ACYP2: variants seen among roughly 807,000 people sequenced by gnomAD.
ACYP2 encodes the protein acylphosphatase-2.
Under a neutral mutation model 11.2 loss-of-function variants are expected in ACYP2, and 12 were observed. The ratio of observed to expected loss-of-function variants is 1.08; its 90% CI spans 0.69 to 1.74. The LOEUF is 1.74. Ranked by LOEUF, ACYP2 falls within the 40% of genes most tolerant of loss-of-function variation. ACYP2 has a pLI of 0.00. For missense variants in ACYP2, 134 were observed against 101.9 expected (o/e 1.31, Z -1.35); for synonymous variants, 43 against 32.2 (o/e 1.33, Z -1.13).
intron 2 of ACYP2, among the ~76,000 whole-genome samples, chr2:54,049,010 C>A (rs1003450146): frequency 6.6e-6 from 1 of 152,112 alleles, no homozygotes; most frequent in Non-Finnish European, 1.5e-5. Flanking sequence ...TGCAGTGGCT[C>A]ACACCTGTAA....
At chr2:54,108,007 G>T (rs1056226162) in intron 4 of ACYP2, among the ~76,000 whole-genome samples, 1 of 152,076 alleles carries the variant, frequency 6.6e-6, no homozygotes, top group Admixed American at 6.6e-5. Flanking sequence ...CTGCCACTCC[G>T]GGACCCGCCA....
At chr2:54,219,856 G>GGTGTGTGTGTGT (rs1366261046) in intron 6 of ACYP2, among the ~76,000 whole-genome samples, 9 of 16,622 alleles carry the variant, frequency 5.4e-4, no homozygotes, top group African/African-American at 4.1e-4. Context: ...TGTGTATATA[G>GGTGTGTGTGTGT]ATGTGTGTGT....
intron 6 of ACYP2, among the ~76,000 whole-genome samples, chr2:54,242,740 G>A (rs886243169): frequency 6.6e-6 from 1 of 152,026 alleles, no homozygotes; most frequent in Non-Finnish European, 1.5e-5. Flanking sequence ...CAGTCTAGGC[G>A]ACAGCCTAGG....
At chr2:54,020,719 A>G (rs957611342) in intron 2 of ACYP2, among the ~76,000 whole-genome samples, 1 of 152,246 alleles carries the variant, frequency 6.6e-6, no homozygotes, top group African/African-American at 2.4e-5. Flanking sequence ...ATCTAAATAT[A>G]TACAGAAAAA....
chr2:54,085,662 A>G (rs1024179865), intron 4 of ACYP2, among the ~76,000 whole-genome samples: 2 of 152,310 alleles, frequency 1.3e-5, no homozygotes, highest in Non-Finnish European at 1.5e-5. Context: ...GAAGTTTCCA[A>G]GAACTTATTG....
At chr2:53,998,820 A>G (rs1265047582) in intron 2 of ACYP2, among the ~76,000 whole-genome samples, 6 of 152,038 alleles carry the variant, frequency 3.9e-5, no homozygotes, top group Non-Finnish European at 2.9e-5. Context: ...AAAAGAAAAG[A>G]AAAAAATTTC....
chr2:54,156,754 C>T (rs1333414592), intron 6 of ACYP2, among the ~76,000 whole-genome samples: 1 of 151,910 alleles, frequency 6.6e-6, no homozygotes, highest in African/African-American at 2.4e-5. Flanking sequence ...CAACCTCCAC[C>T]TCCCGGGTTC....
chr2:54,110,030 T>C (rs543885152), intron 4 of ACYP2, among the ~76,000 whole-genome samples: 41 of 152,304 alleles, frequency 2.7e-4, no homozygotes, highest in African/African-American at 8.9e-4. Context: ...TCTCAGGCTT[T>C]CTCTGTTTCT....
intron 2 of ACYP2, among the ~76,000 whole-genome samples, chr2:53,982,828 C>CTGTGTGTG (rs3066946): frequency 0.034 from 4,758 of 140,522 alleles, 73 homozygotes; most frequent in African/African-American, 0.039. Flanking sequence ...TCACACAAGA[C>CTGTGTGTG]TGTGTGTGTG....
chr2:54,022,279 G>T (rs555162540), intron 2 of ACYP2, among the ~76,000 whole-genome samples: 1 of 151,882 alleles, frequency 6.6e-6, no homozygotes, highest in Non-Finnish European at 1.5e-5. Flanking sequence ...TTCAGGATTC[G>T]CTACCCCAAA....
At chr2:54,281,576 G>T (rs1688851255) in intron 6 of ACYP2, among the ~76,000 whole-genome samples, 1 of 152,184 alleles carries the variant, frequency 6.6e-6, no homozygotes, top group Admixed American at 6.5e-5. Context: ...AATCACCAGA[G>T]CTAGACTCTG....
At chr2:54,015,523 G>A (rs1323050707) in intron 2 of ACYP2, among the ~76,000 whole-genome samples, 1 of 151,864 alleles carries the variant, frequency 6.6e-6, no homozygotes, top group Non-Finnish European at 1.5e-5. Context: ...GGTGGTGTGT[G>A]CCTGTAGTCC....
At chr2:54,113,540 A>T (rs369493438) in intron 4 of ACYP2, among the ~76,000 whole-genome samples, 68 of 152,156 alleles carry the variant, frequency 4.5e-4, no homozygotes, top group African/African-American at 1.5e-3. Flanking sequence ...GCCACCGTGC[A>T]GGCCAAGATA....
intron 2 of ACYP2, among the ~76,000 whole-genome samples, chr2:54,045,511 A>C (rs554587326): frequency 2.0e-4 from 30 of 152,298 alleles, no homozygotes; most frequent in Non-Finnish European, 3.5e-4. Context: ...TTGACATTGA[A>C]AACTCATAAA....
chr2:54,135,650 A>G (rs192118579), intron 5 of ACYP2, among the ~76,000 whole-genome samples, 181 bp downstream of exon 2: 564 of 152,288 alleles, frequency 3.7e-3, no homozygotes, highest in Non-Finnish European at 5.0e-3. Flanking sequence ...AATGCTAAAA[A>G]CATTGTACCC....
intron 2 of ACYP2, among the ~76,000 whole-genome samples, chr2:54,028,369 CA>C (rs891052970): frequency 6.6e-6 from 1 of 152,168 alleles, no homozygotes; most frequent in African/African-American, 2.4e-5. Context: ...GGCATTCTGA[CA>C]TGCTGAATTG....
At chr2:53,981,331 A>G (rs911148153) in intron 2 of ACYP2, among the ~76,000 whole-genome samples, 2 of 152,208 alleles carry the variant, frequency 1.3e-5, no homozygotes, top group Non-Finnish European at 2.9e-5. Context: ...TACACTCCAC[A>G]GGGTGGGAGT....
intron 6 of ACYP2, among the ~76,000 whole-genome samples, chr2:54,293,273 AAAG>A: frequency 6.6e-6 from 1 of 152,330 alleles, no homozygotes; most frequent in South Asian, 2.1e-4. Context: ...AATAAAACAG[AAAG>A]AAGGGCATAT....
chr2:54,044,125 A>G (rs1258532591), intron 2 of ACYP2, among the ~76,000 whole-genome samples: 1 of 152,206 alleles, frequency 6.6e-6, no homozygotes, highest in Non-Finnish European at 1.5e-5. Context: ...ATGTACACAC[A>G]GAGCCCATTG....
Sources: gnomAD v4.1 joint callset for allele counts (sites outside exome capture counted in the v4.1 genomes callset) on GRCh38, gnomAD v4.1.1 for gene constraint, MANE v1.5 for transcripts, NCBI Gene and HGNC (gene_info 2026-07-23, HGNC 2026-07-21) for gene names.